The following SRRM1 variants were observed in gnomAD, a reference collection of about 807,000 sequenced individuals.
The protein encoded by SRRM1 is serine/arginine repetitive matrix protein 1.
SRRM1 carries 19 observed loss-of-function variants against 110.2 expected under a neutral mutation model. That is an observed-to-expected ratio of 0.17 (90% confidence interval 0.12 to 0.25). SRRM1 has a LOEUF of 0.25. Ranked by LOEUF, SRRM1 falls within the 10% of genes least tolerant of loss-of-function variation. The probability of loss-of-function intolerance (pLI) is 1.00; values close to 1 mark genes in which losing one functional copy is unlikely to be tolerated. For missense variants in SRRM1, 918 were observed against 1,145.8 expected (o/e 0.80, Z 2.87); for synonymous variants, 443 against 414.9 (o/e 1.07, Z -0.82).
Position 24,670,108 on chromosome 1 carries a change from C to G in SRRM1, c.2205-12C>G, listed in dbSNP as rs773889012. On this transcript the variant is annotated splice_polypyrimidine_tract_variant and intron_variant, in intron 14 of 16. Transcript: ENST00000323848. ...TGTTCTCAATGCTGAATGTTTTTTC[C>G]TTTTTGTCTAGGGCTGCTTCCCCAA... is the stretch of plus-strand genomic sequence containing the variant. The G allele has an allele frequency of 2.6e-6, 4 of 1,541,706 alleles. No homozygotes were observed. The highest frequency in any genetic ancestry group is 3.5e-6 in the Non-Finnish European group (4 of 1,147,528).
rs1437172019 is a variant in SRRM1, at chr1:24,667,954, ATGC to A, written c.1739+1033_1739+1035del. ...ATATGTTGCCAAGCAATGTAATGAC[ATGC>A]TGCCACTCTTTTTTTTTTTTTTTTT... On this transcript the variant is annotated intron_variant, in intron 13 of 16. Transcript: ENST00000323848. Among the ~76,000 whole-genome samples, 16 of 140,536 alleles carry A rather than the reference ATGC, an allele frequency of 1.1e-4. No homozygotes were observed. The Admixed American group carries it at 1.1e-3, about 10-fold the overall frequency. 92.2% of individuals were successfully genotyped at this position (140,536 alleles called of 152,430 possible). A position where few individuals can be genotyped will look rare whatever the true frequency, so the allele number is the denominator to read the frequency against.
chr1:24,662,870 G>T (rs1393375922), intron 12 of SRRM1, 66 bp downstream of exon 12: 1 of 1,569,674 alleles, frequency 6.4e-7, no homozygotes, highest in Non-Finnish European at 8.7e-7. Context: ...GATAACTTGG[G>T]ATTATTTGAG....
At chr1:24,646,228 TA>T (rs944534093) in intron 2 of SRRM1, among the ~76,000 whole-genome samples, 155 bp downstream of exon 2, 8 of 152,180 alleles carry the variant, frequency 5.3e-5, no homozygotes, top group African/African-American at 1.4e-4. Flanking sequence ...CACAGCCATA[TA>T]AGAATTAGCA....
At position 24,648,814 on chromosome 1, in the gene SRRM1, G is replaced by T. The variant is rs190256088; in HGVS notation, c.235-45G>T. ...AGGTTGGTTGATTTGTTGGTTGGTT[G>T]GTTTTGAAGTAACCTGTTTTTCTTC... On this transcript the variant is annotated intron_variant, in intron 3 of 16. Transcript: ENST00000323848. 1.6e-4 allele frequency: 245 copies of T among 1,576,222 alleles called. 1 individual carries two copies. The African/African-American group carries it at 3.0e-3, about 19-fold the overall frequency.
chr1:24,653,258 A>G (rs925248827), intron 8 of SRRM1, among the ~76,000 whole-genome samples: 7 of 152,216 alleles, frequency 4.6e-5, no homozygotes, highest in South Asian at 4.1e-4. Context: ...TCTTATTGAT[A>G]CTTTTCTGTT....
intron 13 of SRRM1, among the ~76,000 whole-genome samples, chr1:24,667,464 C>T (rs1200232891): frequency 6.6e-6 from 1 of 152,122 alleles, no homozygotes; most frequent in Non-Finnish European, 1.5e-5. Context: ...AAGATAACAT[C>T]CTCAATAAAA....
intron 13 of SRRM1, among the ~76,000 whole-genome samples, chr1:24,668,649 A>G (rs1347464476): frequency 6.6e-6 from 1 of 152,188 alleles, no homozygotes; most frequent in Non-Finnish European, 1.5e-5. Context: ...TTAATTATTC[A>G]TACAGTGTCC....
Position 24,669,252 on chromosome 1 carries a change from A to G in SRRM1, c.1869A>G (p.Arg623=), listed in dbSNP as rs1410608939. The change falls in exon 14 of 17, where the codon CGA becomes CGG. Residue 623 remains arginine, a synonymous_variant. Transcript: ENST00000323848. Reference sequence around the variant, plus strand: ...CTTCACCTCCTCCCCCTCCTAAACGAAGAGCATCACCATCTCCACCACCAA... The same window carrying G: ...CTTCACCTCCTCCCCCTCCTAAACGGAGAGCATCACCATCTCCACCACCAA... ...RTASPPPPPK[R]RASPSPPPKR... is the part of the protein sequence containing the mutation. 1 of 1,613,904 alleles carries G rather than the reference A, an allele frequency of 6.2e-7. No individual in the cohort carries two copies. The highest frequency in any genetic ancestry group is 8.5e-7 in the Non-Finnish European group (1 of 1,179,986).
intron 11 of SRRM1, 111 bp downstream of exon 11, chr1:24,661,507 C>T: frequency 4.3e-6 from 3 of 701,368 alleles, no homozygotes; most frequent in Non-Finnish European, 6.8e-6. Context: ...ACATAGAAAT[C>T]TGTCTGAGGA....
At chr1:24,665,530 G>A (rs1440832321) in intron 12 of SRRM1, among the ~76,000 whole-genome samples, 11 of 151,974 alleles carry the variant, frequency 7.2e-5, no homozygotes, top group African/African-American at 2.4e-4. Context: ...TGGCTAACAC[G>A]GTGAAACCCC....
chr1:24,669,046 C>A, intron 13 of SRRM1, 77 bp from the exon 14 acceptor site: 1 of 1,275,448 alleles, frequency 7.8e-7, no homozygotes, highest in South Asian at 1.4e-5. Context: ...ACAGTATAGC[C>A]AAACCTACTG....
intron 11 of SRRM1, 99 bp from the exon 12 acceptor site, chr1:24,662,561 G>T (rs962383934): frequency 8.5e-7 from 1 of 1,175,796 alleles, no homozygotes; most frequent in African/African-American, 1.6e-5. Flanking sequence ...ATACATGCTT[G>T]CTTACCCTAG....
chr1:24,654,799 G>A (rs1273919501), intron 8 of SRRM1, 56 bp from the exon 9 acceptor site: 2 of 1,602,992 alleles, frequency 1.2e-6, no homozygotes, highest in African/African-American at 2.7e-5. Flanking sequence ...GTTCATACCT[G>A]TAAGGCCGTT....
intron 1 of SRRM1, among the ~76,000 whole-genome samples, chr1:24,645,774 A>G (rs561401456): frequency 6.6e-6 from 1 of 152,348 alleles, no homozygotes; most frequent in South Asian, 2.1e-4. Flanking sequence ...GGTTTGACTT[A>G]TGATGAACAT....
At chr1:24,652,882 A>G in intron 7 of SRRM1, 31 bp from the exon 8 acceptor site, 2 of 1,604,336 alleles carry the variant, frequency 1.2e-6, no homozygotes, top group Non-Finnish European at 1.7e-6. Flanking sequence ...CTCCTGGTTT[A>G]TTCAGGACCT....
chr1:24,652,709 A>G (rs1026577673), intron 7 of SRRM1, 81 bp downstream of exon 7: 4 of 1,372,526 alleles, frequency 2.9e-6, no homozygotes, highest in Middle Eastern at 2.1e-4. Flanking sequence ...AATAATTTCA[A>G]AGTGGTAGAA....
intron 9 of SRRM1, among the ~76,000 whole-genome samples, chr1:24,659,658 T>A (rs1053000000): frequency 6.6e-6 from 1 of 152,224 alleles, no homozygotes; most frequent in African/African-American, 2.4e-5. Context: ...TCACTTAAAT[T>A]GTCTTTGTGA....
At position 24,649,936 on chromosome 1, in the gene SRRM1, C is replaced by T. The variant is rs148408035; in HGVS notation, c.406-35C>T. ...AGTCTTCAGTTTGTTCTCAAATGTT[C>T]AACTATGTGTATTTTGAAAACCTGG... On this transcript the variant is annotated intron_variant, in intron 4 of 16. Transcript: ENST00000323848. 5 of 1,510,656 alleles carry T rather than the reference C, an allele frequency of 3.3e-6. No individual in the cohort carries two copies. The African/African-American group carries it at 7.0e-5, about 21-fold the overall frequency. 93.6% of individuals were successfully genotyped at this position (1,510,656 alleles called of 1,614,324 possible).
In SRRM1 at chr1:24,653,829, G is replaced by A. The variant is rs149134829; in HGVS notation, c.1040+797G>A. Among the ~76,000 whole-genome samples the A allele has an allele frequency of 1.1e-3, 173 of 152,168 alleles. 1 individual carries two copies. Among genetic ancestry groups the A allele is most frequent in the African/African-American group, 3.8e-3 (158 of 41,498 alleles). On this transcript the variant is annotated intron_variant, in intron 8 of 16. Coordinates refer to ENST00000323848, the MANE Select transcript of SRRM1 (RefSeq NM_005839.4). Reference sequence around the variant, plus strand: ...CGATGATTAAGCTTCCAGTTATTTTGGACAGAATTTTTTGTTTGAGTCTTT... The same window carrying A: ...CGATGATTAAGCTTCCAGTTATTTTAGACAGAATTTTTTGTTTGAGTCTTT...
Sources: allele counts gnomAD v4.1 joint callset (sites outside exome capture counted in the v4.1 genomes callset), GRCh38; gene constraint gnomAD v4.1.1; transcripts MANE v1.5; gene names NCBI Gene and HGNC (gene_info 2026-07-23, HGNC 2026-07-21).